CAPN7: variants seen among roughly 807,000 people sequenced by gnomAD.
CAPN7 encodes calpain-7.
A neutral mutation model predicts 115.2 loss-of-function variants in CAPN7; 72 were observed. That is an observed-to-expected ratio of 0.63 (90% confidence interval 0.52 to 0.76). The LOEUF is 0.76. Among genes scored for constraint, CAPN7 ranks in the 30% least tolerant of loss-of-function variants. The pLI, the probability that CAPN7 is intolerant of heterozygous loss-of-function variation, is 0.00. For synonymous variants in CAPN7, 344 were observed against 322.3 expected (o/e 1.07, Z -0.72); for missense variants, 905 against 971.5 (o/e 0.93, Z 0.91).
intron 1 of CAPN7, among the ~76,000 whole-genome samples, chr3:15,211,364 A>C (rs998761077): frequency 6.6e-5 from 10 of 152,330 alleles, no homozygotes; most frequent in Admixed American, 2.0e-4. Flanking sequence ...GGAAAAAGGA[A>C]AACGAAACAT....
chr3:15,239,668 C>T (rs1052324875), intron 12 of CAPN7, among the ~76,000 whole-genome samples: 1 of 152,150 alleles, frequency 6.6e-6, no homozygotes, highest in African/African-American at 2.4e-5. Flanking sequence ...TTACTAAATG[C>T]TAGATACTTT....
At chr3:15,228,811 G>A (rs887392272) in intron 7 of CAPN7, among the ~76,000 whole-genome samples, 163 bp from the exon 8 acceptor site, 1 of 152,140 alleles carries the variant, frequency 6.6e-6, no homozygotes, top group African/African-American at 2.4e-5. Flanking sequence ...TGTGACACGA[G>A]TTCACCTATG....
intron 17 of CAPN7, 163 bp downstream of exon 17, chr3:15,245,834 AAAT>A (rs1695626972): frequency 1.2e-5 from 6 of 514,746 alleles, no homozygotes; most frequent in Non-Finnish European, 1.9e-5. Context: ...TTTCTGTAGA[AAAT>A]AATACATTTG....
intron 4 of CAPN7, among the ~76,000 whole-genome samples, chr3:15,220,501 T>A (rs553529944): frequency 1.1e-4 from 16 of 152,298 alleles, no homozygotes; most frequent in African/African-American, 3.8e-4. Flanking sequence ...ACCTTAAGGG[T>A]AGGGATTGTT....
chr3:15,227,836 C>T lies in CAPN7; in HGVS notation c.726-3C>T. The T allele has an allele frequency of 2.0e-6, 3 of 1,469,330 alleles. No individual in the cohort carries two copies. The highest frequency in any genetic ancestry group is 2.5e-5 in the Admixed American group (1 of 40,148). The allele number at this position is 1,469,330 out of a possible 1,614,324, so 91.0% of individuals were successfully genotyped here. On this transcript the variant is annotated splice_polypyrimidine_tract_variant and splice_region_variant and intron_variant, in intron 6 of 20. Coordinates refer to ENST00000253693, the MANE Select transcript of CAPN7 (RefSeq NM_014296.3). ...TTTATTTTAATTTTTATTATTACCT[C>T]AGTGATAGATGGGGCAAGCTACCAT... is the stretch of plus-strand genomic sequence containing the variant.
chr3:15,218,348 A>G, intron 3 of CAPN7, 125 bp from the exon 4 acceptor site: 1 of 669,254 alleles, frequency 1.5e-6, no homozygotes, highest in South Asian at 1.8e-5. Flanking sequence ...AATTAATGTC[A>G]TCTTTGTTTG....
chr3:15,211,574 C>CT (rs2044950455), intron 1 of CAPN7, among the ~76,000 whole-genome samples: 4 of 150,270 alleles, frequency 2.7e-5, no homozygotes, highest in Admixed American at 2.0e-4. Context: ...AATTCTGACT[C>CT]TATCTTTGAA....
chr3:15,210,360 T>A (rs559671065), intron 1 of CAPN7, among the ~76,000 whole-genome samples: 1 of 152,274 alleles, frequency 6.6e-6, no homozygotes, highest in East Asian at 1.9e-4. Context: ...ATTATATACT[T>A]ATATAATTTA....
chr3:15,217,701 A>T (rs1693720138), intron 3 of CAPN7, 119 bp downstream of exon 3: 1 of 748,598 alleles, frequency 1.3e-6, no homozygotes, highest in South Asian at 2.9e-5. Flanking sequence ...AAATTATTTT[A>T]AATGTAACAA....
intron 12 of CAPN7, among the ~76,000 whole-genome samples, chr3:15,237,517 C>G (rs901773897): frequency 1.3e-5 from 2 of 152,114 alleles, no homozygotes; most frequent in African/African-American, 2.4e-5. Context: ...ATTAGCTGGT[C>G]AGTGTTGAAC....
Position 15,250,942 on chromosome 3 carries a change from T to C in CAPN7, c.2216T>C (p.Val739Ala), listed in dbSNP as rs920124861. ...IELRGPRQYS[V>A]GFEVVTVSTL... ...ATTTTAAATGCTAGGCAATATAGCG[T>C]TGGATTTGAGGTTGTAACAGTTTCT... Residue 739 changes from valine to alanine, a missense_variant, in exon 20 of 21, where the codon GTT (valine) becomes GCT (alanine). This residue lies in a region of CAPN7 where 620 missense variants were observed against 703.4 expected (regional missense o/e 0.88). Coordinates refer to ENST00000253693, the MANE Select transcript of CAPN7 (RefSeq NM_014296.3). 6 of 1,608,132 alleles carry C rather than the reference T, an allele frequency of 3.7e-6. No homozygotes were observed. Among genetic ancestry groups the C allele is most frequent in the Non-Finnish European group, 3.4e-6 (4 of 1,174,994 alleles).
intron 1 of CAPN7, among the ~76,000 whole-genome samples, chr3:15,208,197 GTA>G (rs1416301682): frequency 6.8e-6 from 1 of 147,240 alleles, no homozygotes; most frequent in Non-Finnish European, 1.5e-5. Context: ...TTTTTTATGC[GTA>G]TGTGTATATG....
In CAPN7 at chr3:15,218,456, T is replaced by A. The variant is rs1253492466; in HGVS notation, c.370-17T>A. Reference sequence around the variant, plus strand: ...ATAATTATGCTTTAAAATGTCTGTCTCTTTCTTTCTCTTAAGTCTTATGAA... The same window carrying A: ...ATAATTATGCTTTAAAATGTCTGTCACTTTCTTTCTCTTAAGTCTTATGAA... On this transcript the variant is annotated splice_polypyrimidine_tract_variant and intron_variant, in intron 3 of 20. Coordinates refer to ENST00000253693, the MANE Select transcript of CAPN7 (RefSeq NM_014296.3). 1 of 1,579,504 alleles carries A rather than the reference T, an allele frequency of 6.3e-7. No individual in the cohort carries two copies. Among genetic ancestry groups the A allele is most frequent in the South Asian group, 1.1e-5 (1 of 87,884 alleles).
intron 16 of CAPN7, among the ~76,000 whole-genome samples, chr3:15,243,012 A>T (rs976314513): frequency 6.6e-6 from 1 of 151,468 alleles, no homozygotes; most frequent in African/African-American, 2.4e-5. Context: ...ATACACGTGT[A>T]AAAAAAAGGG....
chr3:15,246,502 A>G, intron 17 of CAPN7: 1 of 442,038 alleles, frequency 2.3e-6, no homozygotes, highest in South Asian at 3.5e-5. Context: ...CAGAAGCCAC[A>G]GCCTGGAAAA....
chr3:15,248,570 T>G (rs992177752), intron 19 of CAPN7, among the ~76,000 whole-genome samples: 1 of 152,246 alleles, frequency 6.6e-6, no homozygotes, highest in Non-Finnish European at 1.5e-5. Flanking sequence ...CAGGGAATTC[T>G]GTGGTGCTGA....
chr3:15,221,491 C>G (rs895400438), intron 5 of CAPN7, among the ~76,000 whole-genome samples: 8 of 151,694 alleles, frequency 5.3e-5, no homozygotes, highest in African/African-American at 1.9e-4. Flanking sequence ...CTGTGCCCGG[C>G]TTTAGTTCCA....
Position 15,247,350 on chromosome 3 carries a change from G to C in CAPN7, c.2097G>C (p.Gln699His). The C allele has an allele frequency of 1.3e-6, 2 of 1,597,406 alleles. No individual in the cohort carries two copies. The highest frequency in any genetic ancestry group is 1.7e-4 in the Middle Eastern group (1 of 5,972). The change falls in exon 19 of 21, where the codon CAG (glutamine) becomes CAC (histidine). Residue 699 changes from glutamine to histidine, a missense_variant. By Grantham distance (24) the Gln-to-His change is conservative. This residue lies in a region of CAPN7 where 620 missense variants were observed against 703.4 expected (regional missense o/e 0.88). Coordinates refer to ENST00000253693, the MANE Select transcript of CAPN7 (RefSeq NM_014296.3). ...AGATTAATGGAAAGTGGAGTGGTCA[G>C]AGTGCTGGAGGATGTGGAAATTTCC... ...SKRINGKWSG[Q>H]SAGGCGNFQE...
intron 6 of CAPN7, among the ~76,000 whole-genome samples, chr3:15,226,126 A>G (rs1045445201): frequency 2.6e-5 from 4 of 152,206 alleles, no homozygotes; most frequent in African/African-American, 9.6e-5. Flanking sequence ...CTCAGGCTAG[A>G]GTGCAGTGGT....
Sources: gnomAD v4.1 joint callset for allele counts (sites outside exome capture counted in the v4.1 genomes callset) on GRCh38, gnomAD v4.1.1 for gene constraint, gnomAD v4.1.1 regional missense constraint, MANE v1.5 for transcripts, NCBI Gene and HGNC (gene_info 2026-07-23, HGNC 2026-07-21) for gene names.